Variants in EP300 observed in about 807,000 individuals in gnomAD.
EP300 encodes EP300 lysine acetyltransferase.
In EP300, 31 loss-of-function variants were observed where a neutral mutation model predicts 264.0. The ratio of observed to expected loss-of-function variants is 0.12; its 90% CI spans 0.09 to 0.16. The LOEUF (loss-of-function observed/expected upper bound fraction) is 0.16, where lower values mean the gene tolerates loss of function less well. Among genes scored for constraint, EP300 ranks in the 10% least tolerant of loss-of-function variants. The pLI, the probability that EP300 is intolerant of heterozygous loss-of-function variation, is 1.00. For missense variants in EP300, 2,766 were observed against 3,052.9 expected, an observed-to-expected ratio of 0.91 and a Z score of 2.21; for synonymous variants, 1,340 against 1,045.4, an observed-to-expected ratio of 1.28 and a Z score of -5.44.
intron 10 of EP300, among the ~76,000 whole-genome samples, chr22:41,142,362 T>C (rs1439281673): frequency 1.3e-5 from 2 of 152,186 alleles, no homozygotes; most frequent in African/African-American, 2.4e-5. Flanking sequence ...CACTGGCCTT[T>C]AGCAGCCTCA....
rs201369756 is a variant in EP300, at chr22:41,178,678, C to G, written c.6967C>G (p.Pro2323Ala). 1.2e-6 allele frequency: 2 copies of G among 1,614,200 alleles called. No homozygotes were observed. Among genetic ancestry groups the G allele is most frequent in the Non-Finnish European group, 1.7e-6 (2 of 1,180,038 alleles). The change falls in exon 31 of 31, where the codon CCC becomes GCC. Residue 2323 changes from proline to alanine, a missense_variant. Pro to Ala is a conservative substitution (Grantham distance 27, BLOSUM62 -1). Coordinates refer to ENST00000263253, the MANE Select transcript of EP300 (RefSeq NM_001429.4). ...TTCTCCACGGCCACAGTCCCAGCCC[C>G]CCCACTCCAGTCCTTCCCCAAGGAT... ...VPSPRPQSQP[P>A]HSSPSPRMQP...
rs544437352 is a variant in EP300, at chr22:41,144,958, T to A, written c.2054-1781T>A. 1.8e-4 allele frequency among the ~76,000 whole-genome samples: 28 copies of A among 152,320 alleles called. No homozygotes were observed. The South Asian group carries it at 5.6e-3, about 30-fold the overall frequency. On this transcript the variant is annotated intron_variant, in intron 10 of 30. Transcript: ENST00000263253. ...CCTTTCTCCTACAGTGACACCTGTC[T>A]ATAGCTGCACTCATGGCTGACTCTA...
chr22:41,177,054 C>A lies in EP300; in HGVS notation c.5343C>A (p.Ile1781=), dbSNP rs1334893388. ...GGAAAACCAATGGCGGGTGCCCCAT[C>A]TGCAAGCAGCTCATTGCCCTCTGCT... ...CKRKTNGGCP[I]CKQLIALCCY... is the part of the protein sequence containing the mutation. The change falls in exon 31 of 31, where the codon ATC becomes ATA. Residue 1781 remains isoleucine, a synonymous_variant. Transcript: ENST00000263253. 1 of 1,614,188 alleles carries A rather than the reference C, an allele frequency of 6.2e-7. No individual in the cohort carries two copies. The highest frequency in any genetic ancestry group is 2.2e-5 in the East Asian group (1 of 44,882).
At chr22:41,169,708 CT>C (rs2059159400) in intron 26 of EP300, 92 bp downstream of exon 26, 15 of 773,434 alleles carry the variant, frequency 1.9e-5, no homozygotes, top group Non-Finnish European at 2.7e-5. Context: ...AACTCTTGGC[CT>C]TTTTTTCCTC....
chr22:41,110,554 A>C (rs1005272192), intron 1 of EP300, among the ~76,000 whole-genome samples: 1 of 151,482 alleles, frequency 6.6e-6, no homozygotes, highest in Non-Finnish European at 1.5e-5. Context: ...CGGCCTCCCA[A>C]AGTAAAGTGC....
At chr22:41,136,324 C>T (rs2145721096) in intron 7 of EP300, among the ~76,000 whole-genome samples, 1 of 152,206 alleles carries the variant, frequency 6.6e-6, no homozygotes, top group East Asian at 1.9e-4. Context: ...ACGCCTAGCC[C>T]ACTCTTTCTT....
chr22:41,129,177 T>C (rs1420474359), intron 4 of EP300, among the ~76,000 whole-genome samples: 1 of 82,266 alleles, frequency 1.2e-5, no homozygotes, highest in African/African-American at 3.0e-5. Flanking sequence ...TGGCGGCTAA[T>C]TTTTTTTGTA....
rs59721178 is a variant in EP300 at position 41,179,880 on chromosome 22, T to TCACACACACA, written c.*958_*967dup. On this transcript the variant is annotated 3_prime_UTR_variant, in exon 31 of 31. Transcript: ENST00000263253. Reference sequence around the variant, plus strand: ...TCTTCCTCCTTACCCTACCCCCCACTCACACACACACACACACACACACAC... The same window carrying TCACACACACA: ...TCTTCCTCCTTACCCTACCCCCCACTCACACACACACACACACACACACACACACACACAC... 47 of 167,196 alleles carry TCACACACACA rather than the reference T, an allele frequency of 2.8e-4. 1 individual carries two copies. Among genetic ancestry groups the TCACACACACA allele is most frequent in the Middle Eastern group, 1.7e-3 (1 of 580 alleles). 10.4% of individuals were successfully genotyped at this position (167,196 alleles called of 1,614,324 possible). A position where few individuals can be genotyped will look rare whatever the true frequency, so the allele number is the denominator to read the frequency against.
At chr22:41,115,942 C>T (rs1417555159) in intron 1 of EP300, among the ~76,000 whole-genome samples, 1 of 152,208 alleles carries the variant, frequency 6.6e-6, no homozygotes, top group African/African-American at 2.4e-5. Flanking sequence ...CCACAAATGA[C>T]AGGTCTTTTG....
intron 1 of EP300, among the ~76,000 whole-genome samples, chr22:41,113,528 A>G (rs1445475045): frequency 6.6e-6 from 1 of 152,108 alleles, no homozygotes; most frequent in Non-Finnish European, 1.5e-5. Context: ...TGGAGAGTTC[A>G]TTAATTTGTA....
At chr22:41,110,282 ATTTTTTTTTTTTTTTTTTTT>A (rs71200660) in intron 1 of EP300, among the ~76,000 whole-genome samples, 17 of 48,220 alleles carry the variant, frequency 3.5e-4, no homozygotes, top group East Asian at 6.8e-4. Flanking sequence ...TATCCAGCTA[ATTTTTTTTTTTTTTTTTTTT>A]TTTTTTTTTT....
chr22:41,155,698 A>G (rs1483912771), intron 17 of EP300, among the ~76,000 whole-genome samples: 1 of 152,170 alleles, frequency 6.6e-6, no homozygotes, highest in African/African-American at 2.4e-5. Flanking sequence ...TGTCTGTTCT[A>G]CATGTTTCAT....
chr22:41,152,214 G>A lies in EP300; in HGVS notation c.3006G>A (p.Val1002=), dbSNP rs2145740608. 1.2e-6 allele frequency: 2 copies of A among 1,614,000 alleles called. No individual in the cohort carries two copies. The highest frequency in any genetic ancestry group is 1.7e-6 in the Non-Finnish European group (2 of 1,179,924). ...TQPEDISESK[V]EDCKMESTET... The stretch of plus-strand genomic sequence containing the variant: ...CTTACGTTTTCTTTTAGTCTAAAGT[G>A]GAAGACTGTAAAATGGAATCTACCG... The change falls in exon 16 of 31, where the codon GTG becomes GTA. Residue 1002 remains valine (V), a synonymous_variant. Coordinates refer to ENST00000263253, the MANE Select transcript of EP300 (RefSeq NM_001429.4).
rs369963863 is a variant in EP300, at chr22:41,172,486, C to G, written c.4453-13C>G. On this transcript the variant is annotated splice_polypyrimidine_tract_variant and intron_variant, in intron 27 of 30. Coordinates refer to ENST00000263253, the MANE Select transcript of EP300 (RefSeq NM_001429.4). The stretch of plus-strand genomic sequence containing the variant: ...ACATAGAAATTCCTATATGTACATG[C>G]ATGTTTTCACAGGATATTTTTAAAC... 4.4e-6 allele frequency: 7 copies of G among 1,603,156 alleles called. No individual in the cohort carries two copies. The highest frequency in any genetic ancestry group is 5.1e-6 in the Non-Finnish European group (6 of 1,170,250).
intron 20 of EP300, among the ~76,000 whole-genome samples, chr22:41,161,007 A>G (rs1357815597): frequency 6.6e-6 from 1 of 152,218 alleles, no homozygotes; most frequent in Admixed American, 6.5e-5. Context: ...GAATTAGGGA[A>G]TATGTCAGCA....
At chr22:41,147,618 G>C (rs1345347183) in intron 11 of EP300, among the ~76,000 whole-genome samples, 1 of 151,478 alleles carries the variant, frequency 6.6e-6, no homozygotes, top group African/African-American at 2.4e-5. Context: ...GACGCCTGTA[G>C]TCCCAGCTAC....
intron 1 of EP300, among the ~76,000 whole-genome samples, chr22:41,095,491 C>T (rs1303869030): frequency 1.3e-5 from 2 of 151,790 alleles, no homozygotes; most frequent in African/African-American, 2.4e-5. Context: ...CTTGGCCTCC[C>T]GAAGTGCTGG....
In EP300 at chr22:41,106,887, A is replaced by G. The variant is rs552558568; in HGVS notation, c.95-10300A>G. 4.6e-5 allele frequency among the ~76,000 whole-genome samples: 7 copies of G among 152,124 alleles called. No homozygotes were observed. In the Middle Eastern group the frequency reaches 0.01, roughly 223 times the overall value. ...TGATTACAGTTGTGAGCCACCTACCAGGTCTGGCCTAAAAGCATTTTTTTA... is the reference window on the plus strand; with the variant it reads ...TGATTACAGTTGTGAGCCACCTACCGGGTCTGGCCTAAAAGCATTTTTTTA... On this transcript the variant is annotated intron_variant, in intron 1 of 30. Transcript: ENST00000263253.
Position 41,110,540 on chromosome 22 carries a change from G to A in EP300, c.95-6647G>A, listed in dbSNP as rs529594046. ...ACACCTGGCCTCAAGTGATCCACCC[G>A]CCTCGGCCTCCCAAAGTAAAGTGCT... On this transcript the variant is annotated intron_variant, in intron 1 of 30. Coordinates refer to ENST00000263253, the MANE Select transcript of EP300 (RefSeq NM_001429.4). 5.9e-5 allele frequency among the ~76,000 whole-genome samples: 9 copies of A among 151,630 alleles called. No individual in the cohort carries two copies. In the East Asian group the frequency reaches 7.8e-4, roughly 13 times the overall value.
Sources: allele counts gnomAD v4.1 joint callset (sites outside exome capture counted in the v4.1 genomes callset), GRCh38; gene constraint gnomAD v4.1.1; transcripts MANE v1.5; gene names NCBI Gene and HGNC (gene_info 2026-07-23, HGNC 2026-07-21).